HOOK3: variants seen among roughly 807,000 people sequenced by gnomAD.
HOOK3 encodes the protein protein Hook homolog 3.
In HOOK3, 24 loss-of-function variants were observed where a neutral mutation model predicts 116.3. The ratio of observed to expected loss-of-function variants is 0.21; its 90% CI spans 0.15 to 0.29. HOOK3 has a LOEUF of 0.29. Among genes scored for constraint, HOOK3 ranks in the 10% least tolerant of loss-of-function variants. HOOK3 has a pLI of 1.00. For synonymous variants in HOOK3, 275 were observed against 283.0 expected, an observed-to-expected ratio of 0.97 and a Z score of 0.28; for missense variants, 632 against 830.2, an observed-to-expected ratio of 0.76 and a Z score of 2.93.
intron 2 of HOOK3, among the ~76,000 whole-genome samples, chr8:42,908,096 G>T (rs917706586): frequency 1.3e-5 from 2 of 152,068 alleles, no homozygotes; most frequent in Non-Finnish European, 2.9e-5. Flanking sequence ...AATAAAATAC[G>T]TAGGAATACA....
At chr8:43,011,052 G>A (rs1188973547) in intron 19 of HOOK3, among the ~76,000 whole-genome samples, 1 of 151,818 alleles carries the variant, frequency 6.6e-6, no homozygotes, top group Non-Finnish European at 1.5e-5. Context: ...GAGTACAGTG[G>A]CACGATCTTG....
Position 42,897,096 on chromosome 8 carries a change from C to G in HOOK3, c.-36C>G. On this transcript the variant is annotated 5_prime_UTR_variant, in exon 1 of 22. Transcript: ENST00000307602. ...CCGACAGAGCGGCGGCGGTGTCTGG[C>G]CAGGCGGTAGGCGCTGCCTGGCCGC... 1 of 1,239,104 alleles carries G rather than the reference C, an allele frequency of 8.1e-7. No individual in the cohort carries two copies. The highest frequency in any genetic ancestry group is 1.0e-6 in the Non-Finnish European group (1 of 986,892). 76.8% of individuals were successfully genotyped at this position (1,239,104 alleles called of 1,614,324 possible).
chr8:43,029,750 TC>T lies in HOOK3; in HGVS notation c.*11257del, dbSNP rs1388938063. The T allele has an allele frequency of 5.0e-6, 1 of 201,466 alleles. No individual in the cohort carries two copies. Among genetic ancestry groups the T allele is most frequent in the African/African-American group, 2.3e-5 (1 of 43,528 alleles). The allele number at this position is 201,466 out of a possible 1,614,324, so 12.5% of individuals were successfully genotyped here. ...TTGGGGATAGAAAGAGGCTTTTTTT[TC>T]CCCCTGTAGTATTTTTAAAACTTTT... On this transcript the variant is annotated 3_prime_UTR_variant, in exon 22 of 22. Coordinates refer to ENST00000307602, the MANE Select transcript of HOOK3 (RefSeq NM_032410.4).
intron 5 of HOOK3, among the ~76,000 whole-genome samples, chr8:42,949,874 G>A (rs1808306073): frequency 1.3e-5 from 2 of 150,870 alleles, no homozygotes; most frequent in Admixed American, 6.6e-5. Flanking sequence ...CCGAGATGGC[G>A]CCACTGCACT....
At position 43,029,757 on chromosome 8, in the gene HOOK3, G is replaced by A. The variant is rs984019896; in HGVS notation, c.*11259G>A. ...TAGAAAGAGGCTTTTTTTTCCCCCT[G>A]TAGTATTTTTAAAACTTTTTAGATG... On this transcript the variant is annotated 3_prime_UTR_variant, in exon 22 of 22. Transcript: ENST00000307602. The A allele has an allele frequency of 2.0e-5, 4 of 201,982 alleles. No individual in the cohort carries two copies. Among genetic ancestry groups the A allele is most frequent in the African/African-American group, 9.2e-5 (4 of 43,478 alleles). The allele number at this position is 201,982 out of a possible 1,614,324, so 12.5% of individuals were successfully genotyped here.
At chr8:42,913,882 A>T (rs1238113467) in intron 2 of HOOK3, among the ~76,000 whole-genome samples, 2 of 143,746 alleles carry the variant, frequency 1.4e-5, no homozygotes, top group Admixed American at 1.3e-4. Flanking sequence ...GCCAGTCATT[A>T]AAAAAAAAGA....
chr8:42,974,543 G>T (rs1808784943), intron 13 of HOOK3, among the ~76,000 whole-genome samples: 1 of 152,228 alleles, frequency 6.6e-6, no homozygotes, highest in Admixed American at 6.5e-5. Context: ...CCAGCCAGAT[G>T]ATTTATTTCT....
At chr8:42,898,329 T>G (rs76507484) in intron 1 of HOOK3, among the ~76,000 whole-genome samples, 2,321 of 152,334 alleles carry the variant, frequency 0.015, 31 homozygotes, top group Non-Finnish European at 0.022. Context: ...TCAGACCATT[T>G]AGGGGATTTC....
chr8:42,981,053 ATT>A (rs35139387), intron 13 of HOOK3, among the ~76,000 whole-genome samples: 8 of 139,518 alleles, frequency 5.7e-5, no homozygotes, highest in African/African-American at 2.6e-5. Context: ...GTAAATAATA[ATT>A]TTTTTTTTTT....
chr8:42,905,310 T>TC (rs1199493644), intron 1 of HOOK3, among the ~76,000 whole-genome samples: 1 of 133,836 alleles, frequency 7.5e-6, no homozygotes, highest in East Asian at 2.4e-4. Flanking sequence ...TTTTTTTTTT[T>TC]CCTGTTTCTT....
At chr8:42,982,800 C>T (rs1563307214) in intron 14 of HOOK3, 104 bp downstream of exon 14, 6 of 746,224 alleles carry the variant, frequency 8.0e-6, no homozygotes, top group Admixed American at 2.2e-5. Flanking sequence ...TTCTCACCGA[C>T]ACTTTCAACA....
At chr8:43,010,617 T>A (rs1263033925) in intron 19 of HOOK3, among the ~76,000 whole-genome samples, 2 of 152,176 alleles carry the variant, frequency 1.3e-5, no homozygotes, top group African/African-American at 4.8e-5. Flanking sequence ...AAGAGGAAAA[T>A]GTACTTTGTG....
intron 8 of HOOK3, among the ~76,000 whole-genome samples, chr8:42,962,697 G>A (rs370048515): frequency 1.4e-4 from 21 of 151,714 alleles, no homozygotes; most frequent in African/African-American, 4.8e-4. Context: ...GAGCCACCAT[G>A]CCAGCCATGT....
At chr8:42,930,071 G>GT in intron 3 of HOOK3, 51 bp from the exon 4 acceptor site, 1 of 1,511,606 alleles carries the variant, frequency 6.6e-7, no homozygotes, top group Non-Finnish European at 8.9e-7. Flanking sequence ...GTTAAATTAT[G>GT]TTTTGATCTG....
intron 10 of HOOK3, among the ~76,000 whole-genome samples, chr8:42,967,495 A>G (rs1028623911): frequency 2.0e-5 from 3 of 152,120 alleles, no homozygotes; most frequent in Non-Finnish European, 4.4e-5. Context: ...TTTCTGGCCT[A>G]CGCGGGGACT....
intron 18 of HOOK3, among the ~76,000 whole-genome samples, chr8:43,008,664 T>A (rs1441540309): frequency 2.9e-5 from 4 of 136,064 alleles, no homozygotes; most frequent in African/African-American, 1.1e-4. Flanking sequence ...TTTATTTTTA[T>A]TTTTTTTTTT....
At position 42,964,492 on chromosome 8, in the gene HOOK3, A is replaced by G; in HGVS notation, c.779+18A>G. 2.5e-6 allele frequency: 4 copies of G among 1,605,144 alleles called. No homozygotes were observed. The highest frequency in any genetic ancestry group is 2.2e-5 in the South Asian group (2 of 90,212). ...ACATTCAGGTAAAAGACAACTCATT[A>G]AAATCTGATTTTTAAAAATTTGTTA... On this transcript the variant is annotated intron_variant, in intron 9 of 21. Coordinates refer to ENST00000307602, the MANE Select transcript of HOOK3 (RefSeq NM_032410.4).
At chr8:42,979,970 T>C (rs1808906832) in intron 13 of HOOK3, among the ~76,000 whole-genome samples, 4 of 151,360 alleles carry the variant, frequency 2.6e-5, no homozygotes, top group South Asian at 2.1e-4. Context: ...CTTTTCTTTT[T>C]TTTTTTTTTT....
Position 42,974,207 on chromosome 8 carries a change from T to C in HOOK3, c.1321+13T>C, listed in dbSNP as rs576793363. 2.5e-6 allele frequency: 4 copies of C among 1,588,482 alleles called. No homozygotes were observed. The African/African-American group carries it at 4.0e-5, about 16-fold the overall frequency. ...CTCACAACACAAGGTAAAAACGTTTTGCGAGTACAAACCAGATGATTTCTT... is the reference window on the plus strand; with the variant it reads ...CTCACAACACAAGGTAAAAACGTTTCGCGAGTACAAACCAGATGATTTCTT... On this transcript the variant is annotated intron_variant, in intron 13 of 21. Transcript: ENST00000307602.
Sources: gnomAD v4.1 joint callset for allele counts (sites outside exome capture counted in the v4.1 genomes callset) on GRCh38, gnomAD v4.1.1 for gene constraint, MANE v1.5 for transcripts, NCBI Gene and HGNC (gene_info 2026-07-23, HGNC 2026-07-21) for gene names.